Variants in OR7C1 observed in about 807,000 individuals in gnomAD.
OR7C1 encodes the protein olfactory receptor 7C1.
For missense variants in OR7C1, 324 were observed against 383.3 expected (o/e 0.85, Z 1.29); for synonymous variants, 152 against 160.7 (o/e 0.95, Z 0.41).
chr19:14,800,078 G>A (rs1282493141), exon 5 of OR7C1: 3 of 1,603,282 alleles, frequency 1.9e-6, no homozygotes, highest in Non-Finnish European at 8.5e-7. Context: ...AATCTCTGAC[G>A]TTGCTGAAAA....
chr19:14,831,685 C>T (rs8109729), intron 1 of OR7C1, among the ~76,000 whole-genome samples: 29,240 of 151,850 alleles, frequency 0.19, 3,467 homozygotes, highest in African/African-American at 0.33. Flanking sequence ...CCTCGTGATC[C>T]GCCTGCCTCG....
chr19:14,804,136 T>G (rs1189469520), intron 2 of OR7C1, among the ~76,000 whole-genome samples: 1 of 152,182 alleles, frequency 6.6e-6, no homozygotes, highest in Non-Finnish European at 1.5e-5. Context: ...TAGCTGATAT[T>G]CAAGCTCTGT....
chr19:14,817,210 G>A (rs765222829), intron 1 of OR7C1, among the ~76,000 whole-genome samples: 3 of 152,156 alleles, frequency 2.0e-5, no homozygotes, highest in African/African-American at 4.8e-5. Context: ...TTCCAGGTGG[G>A]AATGGAAGTT....
intron 2 of OR7C1, among the ~76,000 whole-genome samples, chr19:14,805,928 G>A (rs1244050221): frequency 6.6e-6 from 1 of 151,916 alleles, no homozygotes; most frequent in Middle Eastern, 3.2e-3. Flanking sequence ...ACTGATATGA[G>A]TCAATCCAAA....
chr19:14,827,290 A>G (rs769033321), intron 1 of OR7C1: 1 of 1,547,798 alleles, frequency 6.5e-7, no homozygotes. Context: ...AATCATGGGC[A>G]CTTCTTGAAA....
intron 1 of OR7C1, among the ~76,000 whole-genome samples, chr19:14,817,395 T>A (rs2044720923): frequency 6.6e-6 from 1 of 152,250 alleles, no homozygotes; most frequent in Non-Finnish European, 1.5e-5. Flanking sequence ...GTGGTCATCT[T>A]TTGCCGCTAT....
At chr19:14,824,999 T>A (rs2044758564) in intron 1 of OR7C1, 1 of 152,276 alleles carries the variant, frequency 6.6e-6, no homozygotes, top group East Asian at 1.9e-4. Flanking sequence ...GAGGTCAAGA[T>A]GGGATCACCA....
rs2044782657 is a variant in OR7C1, at chr19:14,827,566, G to A, written c.-623+7508C>T. The A allele has an allele frequency of 5.0e-6, 8 of 1,614,038 alleles. No homozygotes were observed. In the South Asian group the frequency reaches 8.8e-5, roughly 18 times the overall value. On this transcript the variant is annotated intron_variant, in intron 1 of 4. Transcript: ENST00000641666. ...TTCCCCTGAGCTGATGAGATTGCATGTATGGAAGAAATTATCTTAGAGTAA... is the reference window on the plus strand; with the variant it reads ...TTCCCCTGAGCTGATGAGATTGCATATATGGAAGAAATTATCTTAGAGTAA...
chr19:14,809,120 A>G (rs879917921), intron 2 of OR7C1, among the ~76,000 whole-genome samples: 4 of 151,936 alleles, frequency 2.6e-5, no homozygotes, highest in Non-Finnish European at 4.4e-5. Flanking sequence ...TTGTATCTCT[A>G]CTTTCAAAAG....
At chr19:14,806,668 G>T (rs542271941) in intron 2 of OR7C1, among the ~76,000 whole-genome samples, 2 of 152,074 alleles carry the variant, frequency 1.3e-5, no homozygotes, top group African/African-American at 2.4e-5. Context: ...GTTTGCTGAG[G>T]ATGATGGCTT....
chr19:14,803,718 T>A (rs117559222), intron 2 of OR7C1, among the ~76,000 whole-genome samples: 30,237 of 151,088 alleles, frequency 0.2, 3,176 homozygotes, highest in Admixed American at 0.24. Context: ...AATAATAATT[T>A]TTTTTTTTTG....
intron 1 of OR7C1, among the ~76,000 whole-genome samples, chr19:14,831,759 T>A (rs966809046): frequency 1.3e-5 from 2 of 152,060 alleles, no homozygotes; most frequent in African/African-American, 4.8e-5. Context: ...ATTTTTTTTT[T>A]GCTACTTGTG....
intron 1 of OR7C1, among the ~76,000 whole-genome samples, chr19:14,833,949 A>G (rs111885994): frequency 4.7e-3 from 591 of 125,604 alleles, no homozygotes; most frequent in East Asian, 0.012. Context: ...AACAATCTCC[A>G]GACAGATAAA....
At chr19:14,827,679 G>A in intron 1 of OR7C1, 1 of 1,614,196 alleles carries the variant, frequency 6.2e-7, no homozygotes, top group Non-Finnish European at 8.5e-7. Flanking sequence ...ATCAGAACAA[G>A]CAAGTTGGAT....
At chr19:14,820,063 C>T (rs940440623) in intron 1 of OR7C1, among the ~76,000 whole-genome samples, 4 of 152,154 alleles carry the variant, frequency 2.6e-5, no homozygotes, top group African/African-American at 9.7e-5. Flanking sequence ...TGCGCCGCCA[C>T]TCTGCCCAGC....
intron 2 of OR7C1, among the ~76,000 whole-genome samples, chr19:14,805,037 G>T (rs1325430984): frequency 6.6e-6 from 1 of 151,856 alleles, no homozygotes; most frequent in East Asian, 1.9e-4. Context: ...ACACCCAGAA[G>T]CTAGTGGATC....
intron 1 of OR7C1, chr19:14,825,707 C>T (rs987219991): frequency 6.6e-6 from 1 of 152,372 alleles, no homozygotes; most frequent in African/African-American, 2.4e-5. Context: ...GCCAACAAGC[C>T]TCCAAATGTA....
At chr19:14,825,504 T>C (rs377606744) in intron 1 of OR7C1, 12 of 152,346 alleles carry the variant, frequency 7.9e-5, no homozygotes, top group African/African-American at 2.9e-4. Context: ...TCATTTGCTT[T>C]AGCCAAAAGA....
intron 2 of OR7C1, among the ~76,000 whole-genome samples, chr19:14,808,019 G>T (rs2044673767): frequency 6.6e-6 from 1 of 151,192 alleles, no homozygotes; most frequent in Admixed American, 6.6e-5. Flanking sequence ...ATTCTGACTG[G>T]TGTAATCATC....
Sources: gnomAD v4.1 joint callset for allele counts (sites outside exome capture counted in the v4.1 genomes callset) on GRCh38, gnomAD v4.1.1 for gene constraint, MANE v1.5 for transcripts, NCBI Gene and HGNC (gene_info 2026-07-23, HGNC 2026-07-21) for gene names.